PRKAR1A: variants seen among roughly 807,000 people sequenced by gnomAD.
The protein encoded by PRKAR1A is cAMP-dependent protein kinase type I-alpha regulatory subunit.
Under a neutral mutation model 52.0 loss-of-function variants are expected in PRKAR1A, and 3 were observed. The observed-to-expected ratio is 0.06, with a 90% confidence interval of 0.03 to 0.15. PRKAR1A has a LOEUF of 0.15. Ranked by LOEUF, PRKAR1A falls within the 10% of genes least tolerant of loss-of-function variation. PRKAR1A has a pLI of 1.00. For synonymous variants in PRKAR1A, 188 were observed against 168.4 expected (o/e 1.12, Z -0.90); for missense variants, 240 against 477.4 (o/e 0.50, Z 4.63).
At chr17:68,475,653 G>A in the PRKAR1A span, among the ~76,000 whole-genome samples, 2 of 152,058 alleles carry the variant, frequency 1.3e-5, no homozygotes, top group African/African-American at 4.8e-5. Flanking sequence ...TAGTAGAGAC[G>A]GGGTTTTGCC....
At chr17:68,525,466 C>T (rs938511210) in intron 6 of PRKAR1A, among the ~76,000 whole-genome samples, 1 of 152,198 alleles carries the variant, frequency 6.6e-6, no homozygotes, top group Non-Finnish European at 1.5e-5. Flanking sequence ...GCACGGTTCT[C>T]TAAGTATCTG....
intron 11 of PRKAR1A, among the ~76,000 whole-genome samples, chr17:68,546,597 G>A (rs914027929): frequency 2.0e-5 from 3 of 152,050 alleles, no homozygotes; most frequent in Non-Finnish European, 2.9e-5. Flanking sequence ...TTGGGAGGCC[G>A]AGGCGGGCGG....
the PRKAR1A span, among the ~76,000 whole-genome samples, chr17:68,448,897 C>T: frequency 6.6e-6 from 1 of 152,182 alleles, no homozygotes; most frequent in East Asian, 1.9e-4. Context: ...GCCAAGAATG[C>T]AGGTTTCTTT....
chr17:68,465,881 G>A, the PRKAR1A span, among the ~76,000 whole-genome samples: 2 of 152,048 alleles, frequency 1.3e-5, no homozygotes, highest in East Asian at 1.9e-4. Flanking sequence ...GGAGAGGGGC[G>A]AGTGATGGGG....
At chr17:68,489,010 T>C in the PRKAR1A span, among the ~76,000 whole-genome samples, 1 of 149,672 alleles carries the variant, frequency 6.7e-6, no homozygotes, top group Non-Finnish European at 1.5e-5. Context: ...TTTTTAAAAA[T>C]TTGAAAAAAA....
chr17:68,426,819 G>A, the PRKAR1A span, among the ~76,000 whole-genome samples: 1 of 152,214 alleles, frequency 6.6e-6, no homozygotes, highest in Non-Finnish European at 1.5e-5. Flanking sequence ...ACAGGTGTGA[G>A]CCAATGTGCC....
intron 2 of PRKAR1A, among the ~76,000 whole-genome samples, chr17:68,521,001 G>T (rs1018709095): frequency 3.3e-5 from 5 of 152,136 alleles, no homozygotes; most frequent in African/African-American, 1.2e-4. Flanking sequence ...GACTGCAGTG[G>T]TGCAATCTCG....
intron 11 of PRKAR1A, among the ~76,000 whole-genome samples, chr17:68,548,834 G>A (rs879915247): frequency 7.1e-6 from 1 of 140,724 alleles, no homozygotes; most frequent in Non-Finnish European, 1.5e-5. Context: ...CCGGGTTCAC[G>A]CCATTCTCCT....
intron 5 of PRKAR1A, 79 bp from the exon 6 acceptor site, chr17:68,524,833 A>G: frequency 8.6e-7 from 1 of 1,164,754 alleles, no homozygotes; most frequent in Non-Finnish European, 1.3e-6. Flanking sequence ...CTGTAAAATA[A>G]GTTTATTGTT....
chr17:68,508,648 C>T (rs140090474), upstream of PRKAR1A, among the ~76,000 whole-genome samples: 54 of 152,332 alleles, frequency 3.5e-4, no homozygotes, highest in East Asian at 7.9e-3. Flanking sequence ...AACAAACCTG[C>T]ACCTGTACCC....
intron 7 of PRKAR1A, among the ~76,000 whole-genome samples, chr17:68,526,308 CT>C (rs1395415831): frequency 3.9e-5 from 6 of 152,188 alleles, no homozygotes; most frequent in South Asian, 4.1e-4. Context: ...CTTCCCTAAC[CT>C]GTGAAAGTGG....
chr17:68,457,649 G>A, the PRKAR1A span: 1 of 313,602 alleles, frequency 3.2e-6, no homozygotes, highest in Non-Finnish European at 5.6e-6. Context: ...CTGGTCCCGA[G>A]GACCAGAGCA....
chr17:68,530,572 A>T lies in PRKAR1A; in HGVS notation c.*123A>T. On this transcript the variant is annotated 3_prime_UTR_variant, in exon 11 of 11. Coordinates refer to ENST00000589228, the MANE Select transcript of PRKAR1A (RefSeq NM_002734.5). ...TGGCATCGCAGCTTCCTGTCTGTTTATATATTGAAAGTTGCTTTTATTGCA... is the reference window on the plus strand; with the variant it reads ...TGGCATCGCAGCTTCCTGTCTGTTTTTATATTGAAAGTTGCTTTTATTGCA... 2.5e-6 allele frequency: 4 copies of T among 1,574,918 alleles called. No homozygotes were observed. Among genetic ancestry groups the T allele is most frequent in the Non-Finnish European group, 3.4e-6 (4 of 1,161,370 alleles).
At chr17:68,540,110 C>T in intron 11 of PRKAR1A, 1 of 736,862 alleles carries the variant, frequency 1.4e-6, no homozygotes, top group Non-Finnish European at 2.4e-6. Context: ...CTGTCATTTC[C>T]TCAGGGCCAT....
the PRKAR1A span, among the ~76,000 whole-genome samples, chr17:68,474,692 G>A: frequency 4.6e-5 from 7 of 152,214 alleles, no homozygotes; most frequent in African/African-American, 1.4e-4. Flanking sequence ...TCAGGAGATC[G>A]AGACCATCCT....
chr17:68,426,895 G>A, the PRKAR1A span, among the ~76,000 whole-genome samples: 205 of 152,310 alleles, frequency 1.3e-3, no homozygotes, highest in Middle Eastern at 0.014. Context: ...AGACCGTATC[G>A]TGTGATGCCT....
the PRKAR1A span, chr17:68,421,736 TA>T: frequency 7.4e-4 from 1,190 of 1,613,970 alleles, 7 homozygotes; most frequent in African/African-American, 0.011. Flanking sequence ...AACCACCTGA[TA>T]GGGGGGATGT....
the PRKAR1A span, among the ~76,000 whole-genome samples, chr17:68,431,773 T>G: frequency 1.1e-4 from 1 of 9,286 alleles, no homozygotes; most frequent in African/African-American, 6.2e-4. Flanking sequence ...CGTGGACAGG[T>G]TGAGCGGAGA....
the PRKAR1A span, chr17:68,493,596 A>AT: frequency 0.53 from 75,946 of 143,652 alleles, 20,235 homozygotes; most frequent in East Asian, 0.75. Flanking sequence ...TCAACTTGCA[A>AT]TTTTTTTTTT....
Sources: allele counts gnomAD v4.1 joint callset (sites outside exome capture counted in the v4.1 genomes callset), GRCh38; gene constraint gnomAD v4.1.1; transcripts MANE v1.5; gene names NCBI Gene and HGNC (gene_info 2026-07-23, HGNC 2026-07-21).